VAPA: variants seen among roughly 807,000 people sequenced by gnomAD.
VAPA encodes VAMP associated protein A, also known as vesicle-associated membrane protein-associated protein A.
VAPA carries 6 observed loss-of-function variants against 25.6 expected under a neutral mutation model. The ratio of observed to expected loss-of-function variants is 0.23; its 90% CI spans 0.13 to 0.46. The LOEUF is 0.46. Ranked by LOEUF, VAPA falls within the 20% of genes least tolerant of loss-of-function variation. VAPA has a pLI of 0.99. For synonymous variants in VAPA, 112 were observed against 106.2 expected, an observed-to-expected ratio of 1.05 and a Z score of -0.34; for missense variants, 244 against 302.1, an observed-to-expected ratio of 0.81 and a Z score of 1.43.
At chr18:9,929,203 A>G (rs529709405) in intron 1 of VAPA, among the ~76,000 whole-genome samples, 1 of 152,184 alleles carries the variant, frequency 6.6e-6, no homozygotes, top group South Asian at 2.1e-4. Flanking sequence ...ACCAATATGA[A>G]TTTCTGGAGG....
At chr18:9,916,076 G>C (rs1466019548) in intron 1 of VAPA, among the ~76,000 whole-genome samples, 1 of 152,098 alleles carries the variant, frequency 6.6e-6, no homozygotes, top group Non-Finnish European at 1.5e-5. Flanking sequence ...ATTGCCATTA[G>C]GGATTTATAA....
rs556042086 is a variant in VAPA, at chr18:9,918,900, T to C, written c.79+4565T>C. On this transcript the variant is annotated intron_variant, in intron 1 of 5. Coordinates refer to ENST00000400000, the MANE Select transcript of VAPA (RefSeq NM_194434.3). ...CATGCCTACTCTTCTTCCCATATTT[T>C]TTATTTTTATTTTTGAGATGGGGTC... 1.1e-4 allele frequency among the ~76,000 whole-genome samples: 17 copies of C among 152,334 alleles called. 1 individual carries two copies. In the South Asian group the frequency reaches 3.3e-3, roughly 30 times the overall value.
At chr18:9,914,452 C>A in intron 1 of VAPA, 117 bp downstream of exon 1, 1 of 834,066 alleles carries the variant, frequency 1.2e-6, no homozygotes, top group Non-Finnish European at 1.7e-6. Flanking sequence ...CCCTCCCCCA[C>A]GCCCCGGCGC....
intron 2 of VAPA, among the ~76,000 whole-genome samples, chr18:9,934,755 T>C (rs1390969972): frequency 6.6e-6 from 1 of 152,202 alleles, no homozygotes; most frequent in African/African-American, 2.4e-5. Context: ...GTTACATAAA[T>C]TTAGCATGAC....
intron 1 of VAPA, among the ~76,000 whole-genome samples, chr18:9,918,658 C>G (rs930529595): frequency 6.6e-6 from 1 of 152,168 alleles, no homozygotes; most frequent in Non-Finnish European, 1.5e-5. Context: ...TTTCATTTAT[C>G]TCACTCTGTG....
At chr18:9,923,206 A>G (rs1360026686) in intron 1 of VAPA, among the ~76,000 whole-genome samples, 1 of 152,184 alleles carries the variant, frequency 6.6e-6, no homozygotes, top group Non-Finnish European at 1.5e-5. Flanking sequence ...ACTGTTCTGA[A>G]AATTCAGATT....
intron 5 of VAPA, 31 bp from the exon 6 acceptor site, chr18:9,954,022 A>C (rs998563945): frequency 6.2e-7 from 1 of 1,610,290 alleles, no homozygotes; most frequent in African/African-American, 1.3e-5. Flanking sequence ...CTTGTTTTTA[A>C]AAACCTTTTG....
At chr18:9,954,002 C>T (rs775434718) in intron 5 of VAPA, 51 bp from the exon 6 acceptor site, 11 of 1,605,356 alleles carry the variant, frequency 6.9e-6, no homozygotes, top group Admixed American at 5.1e-5. Flanking sequence ...CCAGTAGTCT[C>T]GTTAGTATGC....
At chr18:9,945,023 A>C (rs1213966228) in intron 4 of VAPA, 4 of 1,614,064 alleles carry the variant, frequency 2.5e-6, no homozygotes, top group Non-Finnish European at 3.4e-6. Flanking sequence ...GGATGACCCC[A>C]GGGGACTCAG....
rs2069584148 is a variant in VAPA at position 9,959,553 on chromosome 18, G to A, written c.*5342G>A. On this transcript the variant is annotated 3_prime_UTR_variant, in exon 6 of 6. Transcript: ENST00000400000. The stretch of plus-strand genomic sequence containing the variant: ...TTCTAATGGTCCTTTAAGATTTAAT[G>A]ATTAAAGCAAGAGTTTTTTATAATT... 1 of 151,952 alleles carries A rather than the reference G, an allele frequency of 6.6e-6. No homozygotes were observed. Among genetic ancestry groups the A allele is most frequent in the East Asian group, 1.9e-4 (1 of 5,196 alleles). 9.4% of individuals were successfully genotyped at this position (151,952 alleles called of 1,614,324 possible). A position where few individuals can be genotyped will look rare whatever the true frequency, so the allele number is the denominator to read the frequency against.
chr18:9,927,315 TA>T (rs1383172466), intron 1 of VAPA, among the ~76,000 whole-genome samples: 1 of 152,138 alleles, frequency 6.6e-6, no homozygotes, highest in Non-Finnish European at 1.5e-5. Flanking sequence ...AAATTTTTCA[TA>T]ATAAAATGTT....
At chr18:9,949,390 C>T (rs2069462878) in intron 4 of VAPA, 1 of 152,176 alleles carries the variant, frequency 6.6e-6, no homozygotes, top group Non-Finnish European at 1.5e-5. Context: ...AATCAAATCA[C>T]ATCCCCTTCA....
At chr18:9,920,181 T>G (rs544458358) in intron 1 of VAPA, among the ~76,000 whole-genome samples, 2 of 152,304 alleles carry the variant, frequency 1.3e-5, no homozygotes, top group South Asian at 4.1e-4. Context: ...GATATTAACA[T>G]GAAGGTGGAT....
chr18:9,946,328 A>G (rs949512748), intron 4 of VAPA, among the ~76,000 whole-genome samples: 149 of 151,674 alleles, frequency 9.8e-4, no homozygotes, highest in African/African-American at 3.1e-3. Context: ...CTGTACTACA[A>G]TGGTAAGTAT....
chr18:9,953,467 G>C (rs116122691), intron 5 of VAPA, among the ~76,000 whole-genome samples: 2 of 152,226 alleles, frequency 1.3e-5, no homozygotes, highest in South Asian at 4.1e-4. Context: ...TAAATTTCAC[G>C]CTAAACTGTT....
intron 1 of VAPA, among the ~76,000 whole-genome samples, chr18:9,921,717 T>C (rs1444812699): frequency 6.6e-6 from 1 of 152,190 alleles, no homozygotes; most frequent in African/African-American, 2.4e-5. Context: ...GATCATAAAG[T>C]TAGTTTTGGA....
At chr18:9,914,424 C>T in intron 1 of VAPA, 89 bp downstream of exon 1, 2 of 1,214,166 alleles carry the variant, frequency 1.6e-6, no homozygotes, top group East Asian at 3.2e-5. Flanking sequence ...GTCCGCGGCC[C>T]TGGCCCGAGG....
At chr18:9,919,495 T>G (rs951336651) in intron 1 of VAPA, among the ~76,000 whole-genome samples, 126 of 152,178 alleles carry the variant, frequency 8.3e-4, no homozygotes, top group Non-Finnish European at 1.8e-4. Context: ...AAGAATAAAG[T>G]GTACCCCTGA....
At chr18:9,949,561 A>G (rs985786813) in intron 4 of VAPA, 24 of 152,208 alleles carry the variant, frequency 1.6e-4, no homozygotes, top group Non-Finnish European at 2.8e-4. Flanking sequence ...TTAGCAGTTT[A>G]TAGCTGAATA....
Sources: allele counts gnomAD v4.1 joint callset (sites outside exome capture counted in the v4.1 genomes callset), GRCh38; gene constraint gnomAD v4.1.1; transcripts MANE v1.5; gene names NCBI Gene and HGNC (gene_info 2026-07-23, HGNC 2026-07-21).